The following BBS9 variants were observed in gnomAD, a reference collection of about 807,000 sequenced individuals.
The protein encoded by BBS9 is Bardet-Biedl syndrome 9.
Under a neutral mutation model 117.7 loss-of-function variants are expected in BBS9, and 89 were observed. The ratio of observed to expected loss-of-function variants is 0.76; its 90% CI spans 0.64 to 0.90. The LOEUF (loss-of-function observed/expected upper bound fraction) is 0.90, where lower values mean the gene tolerates loss of function less well. BBS9 is among the 40% of genes least tolerant of loss of function. The pLI is 0.00. For missense variants in BBS9, 982 were observed against 1,042.2 expected (o/e 0.94, Z 0.80); for synonymous variants, 379 against 370.9 (o/e 1.02, Z -0.25).
chr7:33,573,092 C>G (rs1035636417), intron 21 of BBS9, among the ~76,000 whole-genome samples: 14 of 152,086 alleles, frequency 9.2e-5, no homozygotes, highest in South Asian at 4.1e-4. Flanking sequence ...CCACAAAATT[C>G]ACCCTCCTAT....
intron 20 of BBS9, among the ~76,000 whole-genome samples, chr7:33,530,999 C>T (rs778922915): frequency 1.3e-5 from 2 of 152,172 alleles, no homozygotes; most frequent in Admixed American, 1.3e-4. Flanking sequence ...AATCCTAGCA[C>T]TTTTGGAGGC....
intron 4 of BBS9, among the ~76,000 whole-genome samples, chr7:33,162,552 T>G (rs529799852): frequency 1.3e-5 from 2 of 152,282 alleles, no homozygotes; most frequent in African/African-American, 4.8e-5. Flanking sequence ...TTCACATCCC[T>G]TGTAAGTTGG....
At chr7:33,344,248 A>G (rs1399682807) in intron 11 of BBS9, among the ~76,000 whole-genome samples, 1 of 150,612 alleles carries the variant, frequency 6.6e-6, no homozygotes, top group African/African-American at 2.4e-5. Context: ...GGCCCGGCTA[A>G]TTTTTTGTAT....
At chr7:33,619,584 C>T (rs1332894503) in intron 21 of BBS9, among the ~76,000 whole-genome samples, 1 of 152,174 alleles carries the variant, frequency 6.6e-6, no homozygotes, top group East Asian at 1.9e-4. Context: ...TGGAACATTA[C>T]CCAGGATAGA....
In BBS9 at chr7:33,279,511, G is replaced by A. The variant is rs544657982; in HGVS notation, c.1016+5555G>A. ...AATGTGTTGATTTATGAAGGAAGTT[G>A]CTGCTTTTTAAATACGTTTCTTTTC... On this transcript the variant is annotated intron_variant, in intron 9 of 22. Coordinates refer to ENST00000242067, the MANE Select transcript of BBS9 (RefSeq NM_198428.3). 4.6e-5 allele frequency among the ~76,000 whole-genome samples: 7 copies of A among 152,330 alleles called. No individual in the cohort carries two copies. The South Asian group carries it at 1.5e-3, about 32-fold the overall frequency.
chr7:33,476,316 G>A (rs1841798812), intron 19 of BBS9, among the ~76,000 whole-genome samples: 1 of 152,126 alleles, frequency 6.6e-6, no homozygotes, highest in Non-Finnish European at 1.5e-5. Context: ...GTGGAAACCT[G>A]TGCAGTTACT....
intron 19 of BBS9, among the ~76,000 whole-genome samples, chr7:33,419,907 A>T (rs573825474): frequency 5.9e-4 from 90 of 152,300 alleles, no homozygotes; most frequent in African/African-American, 2.1e-3. Context: ...AAAAGAAAAC[A>T]AAAAATTGGT....
chr7:33,233,697 T>G (rs754760331), intron 5 of BBS9, among the ~76,000 whole-genome samples: 33 of 152,318 alleles, frequency 2.2e-4, no homozygotes, highest in Middle Eastern at 3.4e-3. Flanking sequence ...AAACAACTGC[T>G]GATGCTATAT....
chr7:33,321,954 CT>C (rs1236969066), intron 9 of BBS9, among the ~76,000 whole-genome samples: 4 of 151,676 alleles, frequency 2.6e-5, no homozygotes, highest in Admixed American at 2.6e-4. Context: ...TTATCAAATA[CT>C]TTTTTCAGCA....
chr7:33,139,645 T>G (rs979432720), intron 1 of BBS9, among the ~76,000 whole-genome samples: 4 of 149,438 alleles, frequency 2.7e-5, no homozygotes, highest in African/African-American at 9.7e-5. Flanking sequence ...CTTTACTTGG[T>G]TTAGTATGTT....
At chr7:33,139,258 CAAAAACA>C (rs931849999) in intron 1 of BBS9, among the ~76,000 whole-genome samples, 3 of 150,870 alleles carry the variant, frequency 2.0e-5, no homozygotes, top group Admixed American at 6.6e-5. Flanking sequence ...GTCTCAAAAA[CAAAAACA>C]AAAAACAAAA....
chr7:33,168,336 T>G (rs1369234170), intron 4 of BBS9, among the ~76,000 whole-genome samples: 1 of 152,172 alleles, frequency 6.6e-6, no homozygotes, highest in African/African-American at 2.4e-5. Flanking sequence ...AAGAATTTTT[T>G]TTTGAAAAAG....
At chr7:33,275,761 T>A (rs532491617) in intron 9 of BBS9, among the ~76,000 whole-genome samples, 8 of 152,218 alleles carry the variant, frequency 5.3e-5, no homozygotes, top group East Asian at 1.9e-4. Context: ...ATGTACCCAT[T>A]TCAGGAGTCA....
intron 9 of BBS9, among the ~76,000 whole-genome samples, chr7:33,290,446 A>G (rs533749558): frequency 1.3e-5 from 2 of 152,330 alleles, no homozygotes; most frequent in South Asian, 2.1e-4. Context: ...TGCTTTTTCA[A>G]TATCTGCAGG....
chr7:33,241,924 A>G (rs1406771618), intron 5 of BBS9, among the ~76,000 whole-genome samples: 4 of 151,848 alleles, frequency 2.6e-5, no homozygotes, highest in African/African-American at 7.3e-5. Flanking sequence ...CTCATTCTCT[A>G]TTATTTTTGC....
intron 5 of BBS9, among the ~76,000 whole-genome samples, chr7:33,204,570 T>A (rs1786549863): frequency 6.6e-6 from 1 of 152,012 alleles, no homozygotes; most frequent in South Asian, 2.1e-4. Context: ...GAGGGCTTAT[T>A]AAGAGAGAGG....
intron 9 of BBS9, among the ~76,000 whole-genome samples, chr7:33,325,342 A>G (rs193148653): frequency 7.6e-4 from 116 of 152,068 alleles, no homozygotes; most frequent in African/African-American, 2.7e-3. Flanking sequence ...AATTATTTCA[A>G]TGTCTTTGTT....
At chr7:33,308,731 C>T (rs544215391) in intron 9 of BBS9, among the ~76,000 whole-genome samples, 8 of 152,128 alleles carry the variant, frequency 5.3e-5, no homozygotes, top group Non-Finnish European at 1.2e-4. Context: ...AAAATGCAAA[C>T]CCACATCAGT....
intron 9 of BBS9, among the ~76,000 whole-genome samples, chr7:33,290,444 C>T (rs1366730965): frequency 6.6e-6 from 1 of 152,140 alleles, no homozygotes; most frequent in Non-Finnish European, 1.5e-5. Flanking sequence ...ACTGCTTTTT[C>T]AATATCTGCA....
Sources: gnomAD v4.1 joint callset for allele counts (sites outside exome capture counted in the v4.1 genomes callset) on GRCh38, gnomAD v4.1.1 for gene constraint, MANE v1.5 for transcripts, NCBI Gene and HGNC (gene_info 2026-07-23, HGNC 2026-07-21) for gene names.